The following SGK3 variants were observed in gnomAD, a reference collection of about 807,000 sequenced individuals.
SGK3 encodes the protein serine/threonine-protein kinase Sgk3.
Under a neutral mutation model 68.5 loss-of-function variants are expected in SGK3, and 47 were observed. The observed-to-expected ratio is 0.69, with a 90% CI of 0.54 to 0.87. The LOEUF is 0.87. Among genes scored for constraint, SGK3 ranks in the 40% least tolerant of loss-of-function variants. The pLI, the probability that SGK3 is intolerant of heterozygous loss-of-function variation, is 0.00. For synonymous variants in SGK3, 181 were observed against 189.1 expected, an observed-to-expected ratio of 0.96 and a Z score of 0.35; for missense variants, 479 against 575.5, an observed-to-expected ratio of 0.83 and a Z score of 1.72.
chr8:66,716,935 C>T (rs993057371), intron 1 of SGK3, among the ~76,000 whole-genome samples: 3 of 151,926 alleles, frequency 2.0e-5, no homozygotes, highest in Non-Finnish European at 4.4e-5. Flanking sequence ...GTGGCTCACA[C>T]GAGTAATCCC....
At chr8:66,810,573 C>T (rs796341851) in intron 4 of SGK3, among the ~76,000 whole-genome samples, 8 of 152,234 alleles carry the variant, frequency 5.3e-5, no homozygotes, top group African/African-American at 1.9e-4. Context: ...TGGTGGCATA[C>T]ACCTGTAATC....
intron 1 of SGK3, among the ~76,000 whole-genome samples, chr8:66,786,907 G>A (rs915029301): frequency 6.8e-6 from 1 of 147,052 alleles, no homozygotes; most frequent in African/African-American, 2.5e-5. Flanking sequence ...AGTTCTGTGA[G>A]GGTAGGATTT....
At chr8:66,797,530 G>A (rs1807749631) in intron 2 of SGK3, among the ~76,000 whole-genome samples, 1 of 152,074 alleles carries the variant, frequency 6.6e-6, no homozygotes, top group Non-Finnish European at 1.5e-5. Context: ...TGTATAGTGG[G>A]GGGTTGTAAT....
intron 1 of SGK3, among the ~76,000 whole-genome samples, chr8:66,727,338 C>T (rs1442804683): frequency 6.6e-6 from 1 of 152,114 alleles, no homozygotes; most frequent in Non-Finnish European, 1.5e-5. Context: ...CCCAAGTGAT[C>T]CACCCACCTT....
intron 1 of SGK3, among the ~76,000 whole-genome samples, chr8:66,759,610 T>C (rs1308609967): frequency 6.6e-6 from 1 of 152,114 alleles, no homozygotes; most frequent in East Asian, 1.9e-4. Context: ...TTTCGTATTT[T>C]TAGTAGAGAC....
chr8:66,749,767 A>G (rs1256806646), intron 1 of SGK3, among the ~76,000 whole-genome samples: 1 of 152,082 alleles, frequency 6.6e-6, no homozygotes, highest in East Asian at 1.9e-4. Flanking sequence ...GATAATTTAG[A>G]TATGTTTATA....
intron 1 of SGK3, among the ~76,000 whole-genome samples, chr8:66,741,299 C>A (rs1420807617): frequency 1.3e-5 from 2 of 152,070 alleles, no homozygotes; most frequent in African/African-American, 2.4e-5. Flanking sequence ...CCTGTAATTG[C>A]AACACTTTGG....
At chr8:66,801,851 T>C (rs555070804) in intron 3 of SGK3, among the ~76,000 whole-genome samples, 1 of 152,224 alleles carries the variant, frequency 6.6e-6, no homozygotes, top group Non-Finnish European at 1.5e-5. Context: ...ACACCGGTAG[T>C]GTGTGTTCAT....
At chr8:66,787,849 A>G (rs1271219332) in intron 1 of SGK3, among the ~76,000 whole-genome samples, 2 of 152,192 alleles carry the variant, frequency 1.3e-5, no homozygotes, top group African/African-American at 2.4e-5. Context: ...TTTCCAAGTC[A>G]CTGACCAGCA....
At chr8:66,745,545 G>A (rs1461311246) in intron 1 of SGK3, among the ~76,000 whole-genome samples, 1 of 152,046 alleles carries the variant, frequency 6.6e-6, no homozygotes, top group East Asian at 1.9e-4. Context: ...CTGCACTCCA[G>A]CCTGGGCAAC....
intron 1 of SGK3, among the ~76,000 whole-genome samples, chr8:66,723,108 T>TGA (rs1804853814): frequency 2.3e-5 from 1 of 43,010 alleles, no homozygotes; most frequent in African/African-American, 9.6e-5. Context: ...TATATATATA[T>TGA]ATATATATAT....
intron 1 of SGK3, among the ~76,000 whole-genome samples, chr8:66,724,404 C>T (rs1042303564): frequency 6.6e-6 from 1 of 152,100 alleles, no homozygotes; most frequent in African/African-American, 2.4e-5. Flanking sequence ...GGTAAAACCT[C>T]GTCTCTACTA....
intron 15 of SGK3, 121 bp from the exon 16 acceptor site, chr8:66,850,710 C>T (rs185186061): frequency 1.2e-6 from 1 of 860,152 alleles, no homozygotes; most frequent in African/African-American, 1.7e-5. Context: ...ATAACATACA[C>T]ATGTTCCTAA....
At chr8:66,779,561 AATATATATATATATATATATATATAT>A (rs200618083) in intron 1 of SGK3, among the ~76,000 whole-genome samples, 10 of 89,386 alleles carry the variant, frequency 1.1e-4, no homozygotes, top group East Asian at 7.6e-4. Context: ...TATGTGTGTG[AATATATATATATATATATATATATAT>A]ATATATATAT....
chr8:66,838,168 C>T (rs994104512), intron 10 of SGK3, among the ~76,000 whole-genome samples: 2 of 152,102 alleles, frequency 1.3e-5, no homozygotes, highest in Non-Finnish European at 2.9e-5. Context: ...CTGGTTCAAG[C>T]GATTCTCCTG....
intron 10 of SGK3, among the ~76,000 whole-genome samples, chr8:66,837,591 G>C (rs868242288): frequency 6.6e-6 from 1 of 152,046 alleles, no homozygotes; most frequent in Non-Finnish European, 1.5e-5. Context: ...GACTAGCCTG[G>C]GCAACATGGC....
chr8:66,796,276 A>G (rs1267137764), intron 2 of SGK3, among the ~76,000 whole-genome samples: 2 of 146,050 alleles, frequency 1.4e-5, no homozygotes, highest in Non-Finnish European at 3.0e-5. Flanking sequence ...AGCTGGGACT[A>G]CAGATGCATG....
intron 1 of SGK3, among the ~76,000 whole-genome samples, chr8:66,734,684 C>T (rs543222389): frequency 9.2e-5 from 14 of 152,266 alleles, no homozygotes; most frequent in African/African-American, 2.9e-4. Flanking sequence ...TAGTGGCTCA[C>T]ACCTGTAATC....
At chr8:66,810,344 TA>T (rs2130631731) in intron 4 of SGK3, among the ~76,000 whole-genome samples, 1 of 152,326 alleles carries the variant, frequency 6.6e-6, no homozygotes, top group Non-Finnish European at 1.5e-5. Flanking sequence ...TGATAAATTT[TA>T]AAGTAGGCGA....
Sources: gnomAD v4.1 joint callset for allele counts (sites outside exome capture counted in the v4.1 genomes callset) on GRCh38, gnomAD v4.1.1 for gene constraint, MANE v1.5 for transcripts, NCBI Gene and HGNC (gene_info 2026-07-23, HGNC 2026-07-21) for gene names.